CIZ1: variants seen among roughly 807,000 people sequenced by gnomAD.
CIZ1 encodes CDKN1A interacting zinc finger protein 1.
A neutral mutation model predicts 118.6 loss-of-function variants in CIZ1; 58 were observed. The observed-to-expected ratio is 0.49, with a 90% CI of 0.40 to 0.61. The LOEUF (loss-of-function observed/expected upper bound fraction) is 0.61, where lower values mean the gene tolerates loss of function less well. CIZ1 is among the 20% of genes least tolerant of loss of function. The pLI, the probability that CIZ1 is intolerant of heterozygous loss-of-function variation, is 0.00. For missense variants in CIZ1, 921 were observed against 1,115.9 expected, an observed-to-expected ratio of 0.83 and a Z score of 2.49; for synonymous variants, 448 against 443.4, an observed-to-expected ratio of 1.01 and a Z score of -0.13.
At position 128,180,486 on chromosome 9, in the gene CIZ1, C is replaced by G. The variant is rs577734493; in HGVS notation, c.720G>C (p.Lys240Asn). 3 of 1,614,182 alleles carry G rather than the reference C, an allele frequency of 1.9e-6. No individual in the cohort carries two copies. In the African/African-American group the frequency reaches 4.0e-5, roughly 22 times the overall value. Residue 240 changes from lysine to asparagine, a missense_variant, in exon 7 of 17, where the codon AAG (lysine) becomes AAC (asparagine). Coordinates refer to ENST00000372938, the MANE Select transcript of CIZ1 (RefSeq NM_001131016.2). The stretch of plus-strand genomic sequence containing the variant: ...GCTCAGGTGCTGGAGTGCGTTTTTC[C>G]TTGGCGATGTCCTCTGGGCAGGGCG... ...DLPPCPEDIA[K>N]EKRTPAPEPE... is the part of the protein sequence containing the mutation.
chr9:128,194,396 GT>G, upstream of CIZ1, among the ~76,000 whole-genome samples: 1 of 147,204 alleles, frequency 6.8e-6, no homozygotes, highest in South Asian at 2.1e-4. Flanking sequence ...TCTTGCACAT[GT>G]TTTGCCCTTT....
At chr9:128,167,485 A>C (rs1277229478) in intron 14 of CIZ1, 1 of 302,908 alleles carries the variant, frequency 3.3e-6, no homozygotes, top group African/African-American at 2.2e-5. Context: ...ACAGCCCTCT[A>C]TGGCTACACA....
Position 128,166,414 on chromosome 9 carries a change from C to T in CIZ1, c.2488-8G>A, listed in dbSNP as rs774102626. 9 of 1,519,266 alleles carry T rather than the reference C, an allele frequency of 5.9e-6. No individual in the cohort carries two copies. Among genetic ancestry groups the T allele is most frequent in the South Asian group, 2.6e-5 (2 of 78,228 alleles). The allele number at this position is 1,519,266 out of a possible 1,614,324, so 94.1% of individuals were successfully genotyped here. On this transcript the variant is annotated splice_polypyrimidine_tract_variant and splice_region_variant and intron_variant, in intron 16 of 16. Transcript: ENST00000372938. This position sits in a 1 kb window ranked among gnomAD's most constrained non-coding sequence, Gnocchi z 4.4. ...CTTGGCCGCCTTGTATTTCTGGATA[C>T]AGAAGGTGCAGGTAAGGTCAGGGTC... is the stretch of plus-strand genomic sequence containing the variant.
chr9:128,190,393 G>A lies in CIZ1; in HGVS notation c.222C>T (p.Thr74=), dbSNP rs1249860713. 1 of 1,613,956 alleles carries A rather than the reference G, an allele frequency of 6.2e-7. No individual in the cohort carries two copies. Among genetic ancestry groups the A allele is most frequent in the South Asian group, 1.1e-5 (1 of 91,016 alleles). ...AGCCGTTGAGGAGGGAGGCTGAGTT[G>A]GTGCCCTGGAGATTCAGAAGCGGCT... ...PQQPLLNLQG[T]NSASLLNGSM... The change falls in exon 3 of 17, where the codon ACC becomes ACT. Residue 74 remains threonine (T), a synonymous_variant. Coordinates refer to ENST00000372938, the MANE Select transcript of CIZ1 (RefSeq NM_001131016.2).
chr9:128,201,104 TAA>T (rs1405820796), intron 1 of CIZ1, among the ~76,000 whole-genome samples: 2 of 149,340 alleles, frequency 1.3e-5, no homozygotes, highest in Non-Finnish European at 3.0e-5. Context: ...CTATCTCTAC[TAA>T]AAATACAAAA....
intron 11 of CIZ1, among the ~76,000 whole-genome samples, chr9:128,175,616 T>C (rs905532702): frequency 5.9e-5 from 9 of 152,172 alleles, no homozygotes; most frequent in Non-Finnish European, 1.2e-4. Context: ...TATGAAAGTG[T>C]TTGATTTGCT....
rs189607151 is a variant in CIZ1 at position 128,166,926 on chromosome 9, C to T, written c.2366-46G>A. On this transcript the variant is annotated intron_variant, in intron 15 of 16. Transcript: ENST00000372938. The surrounding 1 kb of genome is among the most constrained non-coding windows in gnomAD (Gnocchi z 4.4). ...GTCTGCACTCACATCCCTGTACCAGCGAGGTGTCCCTCCCTCTCTAGGGGC... is the reference window on the plus strand; with the variant it reads ...GTCTGCACTCACATCCCTGTACCAGTGAGGTGTCCCTCCCTCTCTAGGGGC... The T allele has an allele frequency of 3.3e-4, 531 of 1,613,678 alleles. No homozygotes were observed. The African/African-American group carries it at 6.1e-3, about 18-fold the overall frequency.
intron 11 of CIZ1, among the ~76,000 whole-genome samples, chr9:128,172,169 A>C (rs74515298): frequency 6.7e-6 from 1 of 149,224 alleles, no homozygotes; most frequent in East Asian, 2.0e-4. Context: ...AAAAAAAAAA[A>C]AAAAAAAAGA....
chr9:128,180,299 T>G, intron 7 of CIZ1, 116 bp downstream of exon 7: 1 of 757,624 alleles, frequency 1.3e-6, no homozygotes. Flanking sequence ...GCCAAGGCCC[T>G]TTCCTTGCTC....
chr9:128,177,536 C>CCCCCCCCCCCCAAAAAA, intron 10 of CIZ1, 30 bp downstream of exon 10: 2 of 1,121,414 alleles, frequency 1.8e-6, no homozygotes, highest in Non-Finnish European at 2.5e-6. Flanking sequence ...AGGCCCCACC[C>CCCCCCCCCCCCAAAAAA]CTCCCCACCC....
In CIZ1 at chr9:128,180,793, G is replaced by A; in HGVS notation, c.610C>T (p.Pro204Ser). The A allele has an allele frequency of 6.2e-7, 1 of 1,610,894 alleles. No homozygotes were observed. The highest frequency in any genetic ancestry group is 8.5e-7 in the Non-Finnish European group (1 of 1,178,752). The change falls in exon 6 of 17, where the codon CCT (proline) becomes TCT (serine). Residue 204 changes from proline (P) to serine (S), a missense_variant. Coordinates refer to ENST00000372938, the MANE Select transcript of CIZ1 (RefSeq NM_001131016.2). ...NRKDSSSQTM[P>S]VEDKSDPPEG... is the part of the protein sequence containing the mutation. Reference sequence around the variant, plus strand: ...GGGGGGTCTGACTTGTCTTCCACAGGCATTGTCTGAGAAGAAGAATCCTGC... The same window carrying A: ...GGGGGGTCTGACTTGTCTTCCACAGACATTGTCTGAGAAGAAGAATCCTGC...
chr9:128,187,959 C>T (rs1832591894), intron 3 of CIZ1, 25 bp from the exon 4 acceptor site: 1 of 688,374 alleles, frequency 1.5e-6, no homozygotes, highest in South Asian at 1.6e-5. Flanking sequence ...TTCGGCAATA[C>T]TTATCAAGAG....
Position 128,166,955 on chromosome 9 carries a change from T to G in CIZ1, c.2366-75A>C. 6.2e-7 allele frequency: 1 copy of G among 1,611,946 alleles called. No homozygotes were observed. The highest frequency in any genetic ancestry group is 8.5e-7 in the Non-Finnish European group (1 of 1,178,618). On this transcript the variant is annotated intron_variant, in intron 15 of 16. Coordinates refer to ENST00000372938, the MANE Select transcript of CIZ1 (RefSeq NM_001131016.2). The surrounding 1 kb of genome is among the most constrained non-coding windows in gnomAD (Gnocchi z 4.4). ...GTGTCCCTCCCTCTCTAGGGGCCCA[T>G]GTGCTCCCCAACCCTCTAGGCAGGG...
chr9:128,175,283 G>A (rs1187053931), intron 11 of CIZ1, among the ~76,000 whole-genome samples: 1 of 152,026 alleles, frequency 6.6e-6, no homozygotes, highest in African/African-American at 2.4e-5. Flanking sequence ...CTACTTTCGA[G>A]TATTTTAGAT....
chr9:128,180,523 T>C lies in CIZ1; in HGVS notation c.683A>G (p.Asp228Gly). 1 of 1,613,164 alleles carries C rather than the reference T, an allele frequency of 6.2e-7. No individual in the cohort carries two copies. The highest frequency in any genetic ancestry group is 8.5e-7 in the Non-Finnish European group (1 of 1,179,204). The change falls in exon 7 of 17, where the codon GAC becomes GGC. Residue 228 changes from aspartate (D) to glycine (G), a missense_variant and splice_region_variant. By Grantham distance (94) the Asp-to-Gly change is moderately conservative. Coordinates refer to ENST00000372938, the MANE Select transcript of CIZ1 (RefSeq NM_001131016.2). The stretch of plus-strand genomic sequence containing the variant: ...CTCTGGGCAGGGCGGTAAATCTTGG[T>C]CTGGAATGGAGGCATGAGCGAGGGA... ...AAEPRMDTPE[D>G]QDLPPCPEDI...
At chr9:128,180,894 ATCC>A in intron 5 of CIZ1, 80 bp from the exon 6 acceptor site, 1 of 1,011,414 alleles carries the variant, frequency 9.9e-7, no homozygotes. Flanking sequence ...GCTGCCCCCC[ATCC>A]TCCAGGGGAT....
chr9:128,167,464 G>A (rs928710907), intron 14 of CIZ1: 26 of 381,952 alleles, frequency 6.8e-5, no homozygotes, highest in African/African-American at 4.2e-4. Context: ...TCATTTGACT[G>A]AATCCTCATA....
At chr9:128,189,669 A>C (rs1470089848) in intron 3 of CIZ1, among the ~76,000 whole-genome samples, 2 of 151,906 alleles carry the variant, frequency 1.3e-5, no homozygotes, top group Non-Finnish European at 2.9e-5. Flanking sequence ...AAAATACAAA[A>C]ATTAGCTGGG....
At chr9:128,174,020 A>AC (rs11435031) in intron 11 of CIZ1, among the ~76,000 whole-genome samples, 17,969 of 78,394 alleles carry the variant, frequency 0.23, 1,977 homozygotes, top group East Asian at 0.59. Context: ...ACAAAACAAA[A>AC]AAACAAAAAA....
Sources: gnomAD v4.1 joint callset for allele counts (sites outside exome capture counted in the v4.1 genomes callset) on GRCh38, gnomAD v4.1.1 for gene constraint, Gnocchi (gnomAD v3.1) non-coding constraint, MANE v1.5 for transcripts, NCBI Gene and HGNC (gene_info 2026-07-23, HGNC 2026-07-21) for gene names.